Variants in DCC observed in about 807,000 individuals in gnomAD.
DCC encodes DCC netrin 1 receptor, also known as netrin receptor DCC.
DCC carries 58 observed loss-of-function variants against 172.5 expected under a neutral mutation model. The ratio of observed to expected loss-of-function variants is 0.34; its 90% confidence interval spans 0.27 to 0.42. DCC has a LOEUF of 0.42. Ranked by LOEUF, DCC falls within the 10% of genes least tolerant of loss-of-function variation. DCC has a pLI of 1.00. For missense variants in DCC, 1,740 were observed against 1,791.0 expected (o/e 0.97, Z 0.51); for synonymous variants, 709 against 644.5 (o/e 1.10, Z -1.52).
At chr18:53,183,144 C>T (rs1049898656) in intron 9 of DCC, among the ~76,000 whole-genome samples, 4 of 151,992 alleles carry the variant, frequency 2.6e-5, no homozygotes, top group Admixed American at 1.3e-4. Flanking sequence ...CTCTATTATA[C>T]AAACCATATT....
At chr18:52,556,549 C>T (rs2032920184) in intron 1 of DCC, among the ~76,000 whole-genome samples, 1 of 152,068 alleles carries the variant, frequency 6.6e-6, no homozygotes, top group Non-Finnish European at 1.5e-5. Context: ...GGAAAATACC[C>T]CAATTCATGC....
At chr18:52,381,880 C>T (rs1172982525) in intron 1 of DCC, among the ~76,000 whole-genome samples, 1 of 152,126 alleles carries the variant, frequency 6.6e-6, no homozygotes, top group African/African-American at 2.4e-5. Flanking sequence ...AGAATTATAT[C>T]TTGGAAATTT....
intron 2 of DCC, among the ~76,000 whole-genome samples, chr18:52,847,278 C>A (rs757917153): frequency 6.6e-6 from 1 of 152,084 alleles, no homozygotes; most frequent in Non-Finnish European, 1.5e-5. Flanking sequence ...AAATGTTGGA[C>A]AATCTGTAAA....
At chr18:52,560,765 A>G (rs971114157) in intron 1 of DCC, among the ~76,000 whole-genome samples, 1 of 152,088 alleles carries the variant, frequency 6.6e-6, no homozygotes, top group South Asian at 2.1e-4. Flanking sequence ...ATGTTTGTAT[A>G]TGTGTCTTTT....
intron 25 of DCC, among the ~76,000 whole-genome samples, chr18:53,481,840 C>T (rs149886626): frequency 1.2e-3 from 179 of 152,178 alleles, no homozygotes; most frequent in African/African-American, 3.8e-3. Flanking sequence ...GTTCAGGGAG[C>T]TAAGTAATTT....
chr18:52,815,683 A>G (rs113691607), intron 2 of DCC, among the ~76,000 whole-genome samples: 165 of 152,358 alleles, frequency 1.1e-3, no homozygotes, highest in African/African-American at 3.9e-3. Flanking sequence ...TACAAAACAA[A>G]ATAATTATGT....
chr18:52,471,738 A>G (rs943468245), intron 1 of DCC, among the ~76,000 whole-genome samples: 2 of 152,234 alleles, frequency 1.3e-5, no homozygotes, highest in Non-Finnish European at 2.9e-5. Flanking sequence ...TAAGTCCTGC[A>G]ATCAGATAAG....
At chr18:53,118,292 A>G (rs950840345) in intron 7 of DCC, among the ~76,000 whole-genome samples, 3 of 151,802 alleles carry the variant, frequency 2.0e-5, no homozygotes, top group Admixed American at 1.3e-4. Flanking sequence ...CTGCACTGCA[A>G]TTGTAATATA....
At chr18:52,779,677 G>A (rs1373040388) in intron 2 of DCC, among the ~76,000 whole-genome samples, 19 of 152,124 alleles carry the variant, frequency 1.2e-4, no homozygotes, top group Admixed American at 1.2e-3. Context: ...CCAGTAATGG[G>A]ATTGCTGGGC....
intron 1 of DCC, among the ~76,000 whole-genome samples, chr18:52,353,751 T>G (rs12967164): frequency 0.33 from 49,472 of 152,078 alleles, 8,615 homozygotes; most frequent in East Asian, 0.51. Context: ...GAACATGGGG[T>G]CTCAGCTGCG....
At chr18:52,459,876 A>G (rs1289418765) in intron 1 of DCC, among the ~76,000 whole-genome samples, 1 of 129,820 alleles carries the variant, frequency 7.7e-6, no homozygotes, top group African/African-American at 2.7e-5. Flanking sequence ...ATGGCTGCAT[A>G]GTATTCATAT....
intron 5 of DCC, among the ~76,000 whole-genome samples, chr18:53,025,827 C>T (rs1390524319): frequency 6.7e-6 from 1 of 149,014 alleles, no homozygotes; most frequent in Non-Finnish European, 1.5e-5. Flanking sequence ...CACACACACA[C>T]ACACATAAAA....
At chr18:53,220,200 AT>A (rs1388466436) in intron 12 of DCC, among the ~76,000 whole-genome samples, 2 of 152,096 alleles carry the variant, frequency 1.3e-5, no homozygotes, top group African/African-American at 4.8e-5. Context: ...GTATGTGTGT[AT>A]TCAGTTTTGT....
intron 1 of DCC, among the ~76,000 whole-genome samples, chr18:52,570,667 A>G (rs2033272235): frequency 6.6e-6 from 1 of 152,198 alleles, no homozygotes; most frequent in Admixed American, 6.5e-5. Context: ...TGGATTTAGA[A>G]ACTTGAGCCT....
chr18:53,099,814 C>T (rs563045651), intron 7 of DCC, among the ~76,000 whole-genome samples: 1 of 151,894 alleles, frequency 6.6e-6, no homozygotes, highest in South Asian at 2.1e-4. Context: ...GAGAGTTGTT[C>T]TAAATAAGAG....
intron 2 of DCC, among the ~76,000 whole-genome samples, chr18:52,822,267 C>G (rs1190181627): frequency 6.6e-6 from 1 of 152,178 alleles, no homozygotes; most frequent in Non-Finnish European, 1.5e-5. Context: ...GGCAATACCA[C>G]TGAAATGCAG....
chr18:53,232,192 C>G (rs529354278), intron 12 of DCC, among the ~76,000 whole-genome samples: 3 of 152,104 alleles, frequency 2.0e-5, no homozygotes, highest in South Asian at 2.1e-4. Flanking sequence ...CCCCCCTCCC[C>G]CTTCTCTCCA....
At chr18:53,059,068 G>C (rs8099235) in intron 5 of DCC, among the ~76,000 whole-genome samples, 52,523 of 151,920 alleles carry the variant, frequency 0.35, 11,534 homozygotes, top group African/African-American at 0.63. Context: ...ACATGTCTTT[G>C]TTCACATGGT....
At chr18:53,352,098 G>A (rs187684509) in intron 15 of DCC, among the ~76,000 whole-genome samples, 1 of 151,996 alleles carries the variant, frequency 6.6e-6, no homozygotes, top group African/African-American at 2.4e-5. Context: ...CTCTATTGCA[G>A]GAAAATCCCT....
Sources: gnomAD v4.1 joint callset for allele counts (sites outside exome capture counted in the v4.1 genomes callset) on GRCh38, gnomAD v4.1.1 for gene constraint, MANE v1.5 for transcripts, NCBI Gene and HGNC (gene_info 2026-07-23, HGNC 2026-07-21) for gene names.